ACAP2: variants seen among roughly 807,000 people sequenced by gnomAD.
The protein encoded by ACAP2 is arf-GAP with coiled-coil, ANK repeat and PH domain-containing protein 2.
In ACAP2, 39 loss-of-function variants were observed where a neutral mutation model predicts 115.8. The observed-to-expected ratio is 0.34, with a 90% CI of 0.26 to 0.44. The LOEUF (loss-of-function observed/expected upper bound fraction) is 0.44, where lower values mean the gene tolerates loss of function less well. ACAP2 is among the 20% of genes least tolerant of loss of function. The probability of loss-of-function intolerance (pLI) is 1.00; values close to 1 mark genes in which losing one functional copy is unlikely to be tolerated. For synonymous variants in ACAP2, 289 were observed against 315.8 expected (o/e 0.92, Z 0.90); for missense variants, 662 against 927.6 (o/e 0.71, Z 3.72).
At chr3:195,365,398 C>T (rs1426678791) in intron 4 of ACAP2, among the ~76,000 whole-genome samples, 2 of 152,092 alleles carry the variant, frequency 1.3e-5, no homozygotes, top group South Asian at 2.1e-4. Flanking sequence ...ACCTACTATG[C>T]ACCCACAAAA....
chr3:195,274,943 T>C lies in ACAP2; in HGVS notation c.*4385A>G, dbSNP rs979846352. 3 of 152,678 alleles carry C rather than the reference T, an allele frequency of 2.0e-5. No homozygotes were observed. Among genetic ancestry groups the C allele is most frequent in the African/African-American group, 7.2e-5 (3 of 41,468 alleles). The allele number at this position is 152,678 out of a possible 1,614,324, so 9.5% of individuals were successfully genotyped here. On this transcript the variant is annotated 3_prime_UTR_variant, in exon 23 of 23. Coordinates refer to ENST00000326793, the MANE Select transcript of ACAP2 (RefSeq NM_012287.6). ...ATACTAATAAAAAGTAAATGGACTG[T>C]TGGTTATACATTCTTTAAAATATAC...
chr3:195,438,846 G>A (rs541541618), intron 1 of ACAP2, among the ~76,000 whole-genome samples: 16 of 152,132 alleles, frequency 1.1e-4, no homozygotes, highest in Non-Finnish European at 1.9e-4. Context: ...GATCACCTGA[G>A]GTCAGGAGTT....
intron 16 of ACAP2, among the ~76,000 whole-genome samples, chr3:195,296,357 T>C (rs1727656702): frequency 6.6e-6 from 1 of 152,156 alleles, no homozygotes; most frequent in Non-Finnish European, 1.5e-5. Flanking sequence ...GCATTATTAA[T>C]TTAAGAAATA....
intron 7 of ACAP2, 189 bp downstream of exon 7, chr3:195,336,743 A>T (rs1402415899): frequency 5.0e-6 from 3 of 598,830 alleles, no homozygotes; most frequent in Non-Finnish European, 8.9e-6. Flanking sequence ...CAGATGAGAC[A>T]CACAAACAAC....
chr3:195,416,622 A>G (rs953862517), intron 1 of ACAP2, among the ~76,000 whole-genome samples: 4 of 152,190 alleles, frequency 2.6e-5, no homozygotes, highest in Non-Finnish European at 5.9e-5. Flanking sequence ...TCATATTAAC[A>G]CTATGAACAC....
intron 4 of ACAP2, among the ~76,000 whole-genome samples, chr3:195,366,970 G>A (rs1384242299): frequency 6.7e-6 from 1 of 148,454 alleles, no homozygotes; most frequent in Non-Finnish European, 1.5e-5. Context: ...TGCTGCTGTG[G>A]TGTAAAAGTA....
At chr3:195,395,406 A>T (rs1450967325) in intron 1 of ACAP2, among the ~76,000 whole-genome samples, 1 of 152,194 alleles carries the variant, frequency 6.6e-6, no homozygotes. Context: ...AAAGGTCAGC[A>T]AACAATTACC....
At chr3:195,399,458 A>T (rs1033254486) in intron 1 of ACAP2, among the ~76,000 whole-genome samples, 1 of 152,210 alleles carries the variant, frequency 6.6e-6, no homozygotes, top group African/African-American at 2.4e-5. Context: ...TACTAGGATT[A>T]CAGGCGTGAG....
At chr3:195,325,306 C>T (rs1177749378) in intron 9 of ACAP2, 10 of 406,696 alleles carry the variant, frequency 2.5e-5, no homozygotes. Flanking sequence ...CACGTATCTG[C>T]ACATGAATGT....
chr3:195,441,274 A>G (rs1715973272), intron 1 of ACAP2, among the ~76,000 whole-genome samples: 1 of 152,238 alleles, frequency 6.6e-6, no homozygotes, highest in Admixed American at 6.5e-5. Flanking sequence ...TCTAAGGTGC[A>G]CTTTAAAAAT....
intron 1 of ACAP2, among the ~76,000 whole-genome samples, chr3:195,393,133 C>A (rs570467240): frequency 2.0e-5 from 3 of 151,924 alleles, no homozygotes; most frequent in Admixed American, 1.3e-4. Flanking sequence ...CCCAAGAGTT[C>A]GAGAGCAGCC....
chr3:195,341,919 C>G (rs1019824939), intron 6 of ACAP2, among the ~76,000 whole-genome samples: 27 of 152,060 alleles, frequency 1.8e-4, no homozygotes, highest in Admixed American at 1.1e-3. Context: ...GTGTTGTCAC[C>G]TATAAGTAGG....
At chr3:195,335,295 T>C (rs2108633789) in intron 7 of ACAP2, among the ~76,000 whole-genome samples, 1 of 152,270 alleles carries the variant, frequency 6.6e-6, no homozygotes, top group Non-Finnish European at 1.5e-5. Context: ...TGCCAACCCC[T>C]AGAATATTCA....
At chr3:195,350,649 G>GAAA (rs201607071) in intron 4 of ACAP2, among the ~76,000 whole-genome samples, 1 of 131,798 alleles carries the variant, frequency 7.6e-6, no homozygotes, top group East Asian at 2.0e-4. Flanking sequence ...ACTGTCTCAG[G>GAAA]AAAAAAAAAA....
At chr3:195,324,709 G>A (rs886869752) in intron 9 of ACAP2, among the ~76,000 whole-genome samples, 19 of 151,988 alleles carry the variant, frequency 1.3e-4, no homozygotes, top group African/African-American at 4.1e-4. Context: ...AGCAGAGATC[G>A]CGCCACTGCA....
At chr3:195,418,720 G>A (rs141915586) in intron 1 of ACAP2, among the ~76,000 whole-genome samples, 2,819 of 152,224 alleles carry the variant, frequency 0.019, 39 homozygotes, top group Middle Eastern at 0.061. Flanking sequence ...ATGAGCCACC[G>A]CACCCAGGCC....
chr3:195,321,349 T>C (rs941916423), intron 9 of ACAP2, among the ~76,000 whole-genome samples: 1 of 150,204 alleles, frequency 6.7e-6, no homozygotes, highest in Non-Finnish European at 1.5e-5. Flanking sequence ...CAGTCTCCCA[T>C]GTAGCTCGAA....
At chr3:195,350,570 G>A (rs955492210) in intron 4 of ACAP2, among the ~76,000 whole-genome samples, 1 of 151,420 alleles carries the variant, frequency 6.6e-6, no homozygotes, top group African/African-American at 2.4e-5. Context: ...GATTACTTGA[G>A]CCCAGGAGGT....
chr3:195,328,308 TAA>T (rs1218020421), intron 8 of ACAP2, among the ~76,000 whole-genome samples: 3 of 152,214 alleles, frequency 2.0e-5, no homozygotes, highest in East Asian at 1.9e-4. Context: ...ACTAAATTTT[TAA>T]AAAGTCTTTT....
Sources: allele counts gnomAD v4.1 joint callset (sites outside exome capture counted in the v4.1 genomes callset), GRCh38; gene constraint gnomAD v4.1.1; transcripts MANE v1.5; gene names NCBI Gene and HGNC (gene_info 2026-07-23, HGNC 2026-07-21).